TRAM1: variants seen among roughly 807,000 people sequenced by gnomAD.
The protein encoded by TRAM1 is translocation associated membrane protein 1.
A neutral mutation model predicts 48.7 loss-of-function variants in TRAM1; 17 were observed. The ratio of observed to expected loss-of-function variants is 0.35; its 90% CI spans 0.24 to 0.52. TRAM1 has a LOEUF of 0.52. TRAM1 is among the 20% of genes least tolerant of loss of function. The probability of loss-of-function intolerance (pLI) is 0.94; values close to 1 mark genes in which losing one functional copy is unlikely to be tolerated. For synonymous variants in TRAM1, 182 were observed against 154.0 expected (o/e 1.18, Z -1.34); for missense variants, 351 against 441.5 (o/e 0.79, Z 1.84).
In TRAM1 at chr8:70,574,205, T is replaced by A; in HGVS notation, c.*727A>T. 2.4e-6 allele frequency: 1 copy of A among 408,708 alleles called. No homozygotes were observed. The allele number at this position is 408,708 out of a possible 1,614,324, so 25.3% of individuals were successfully genotyped here. On this transcript the variant is annotated 3_prime_UTR_variant, in exon 11 of 11. Transcript: ENST00000262213. ...GCTATATGTCAGATTTTCCTGTTCA[T>A]AGTAAATATTTTCTGATTTCCAGTT...
intron 6 of TRAM1, 140 bp downstream of exon 6, chr8:70,594,366 G>A (rs1246711954): frequency 5.4e-6 from 2 of 369,832 alleles, no homozygotes; most frequent in Admixed American, 5.0e-5. Context: ...AAAGAGGGTT[G>A]GTGGGAGAAT....
chr8:70,578,931 C>G (rs959681489), intron 10 of TRAM1, among the ~76,000 whole-genome samples: 1 of 152,122 alleles, frequency 6.6e-6, no homozygotes, highest in African/African-American at 2.4e-5. Flanking sequence ...TTTCAGTTAC[C>G]CACAGTCAAC....
chr8:70,597,939 A>G lies in TRAM1; in HGVS notation c.382T>C (p.Phe128Leu). ...CCCCAAACACAGGCAAAAAGGTAGA[A>G]CGCACTAAGCTGACCAGATTCATTA... is the stretch of plus-strand genomic sequence containing the variant. ...KFNESGQLSA[F>L]YLFACVWGTF... is the part of the protein sequence containing the mutation. Residue 128 changes from phenylalanine (F) to leucine (L), a missense_variant, in exon 4 of 11, where the codon TTC becomes CTC. Phe to Leu is a conservative substitution (Grantham distance 22). Coordinates refer to ENST00000262213, the MANE Select transcript of TRAM1 (RefSeq NM_014294.6). The G allele has an allele frequency of 6.2e-7, 1 of 1,602,662 alleles. No individual in the cohort carries two copies. The highest frequency in any genetic ancestry group is 8.5e-7 in the Non-Finnish European group (1 of 1,173,186).
At chr8:70,583,864 T>A in intron 8 of TRAM1, 71 bp from the exon 9 acceptor site, 7 of 1,488,106 alleles carry the variant, frequency 4.7e-6, no homozygotes, top group Non-Finnish European at 5.4e-6. Context: ...ATTAGATTCC[T>A]AAGTTGGGCG....
At chr8:70,601,990 A>G (rs1266856088) in intron 1 of TRAM1, among the ~76,000 whole-genome samples, 1 of 152,246 alleles carries the variant, frequency 6.6e-6, no homozygotes, top group Admixed American at 6.5e-5. Context: ...AAGTAGGACA[A>G]CATCAGACCC....
At chr8:70,580,984 T>C (rs2132025638) in intron 10 of TRAM1, among the ~76,000 whole-genome samples, 1 of 152,328 alleles carries the variant, frequency 6.6e-6, no homozygotes, top group South Asian at 2.1e-4. Context: ...AAGATCTAAA[T>C]AAACAGACAT....
intron 10 of TRAM1, among the ~76,000 whole-genome samples, chr8:70,577,220 G>A (rs1293693992): frequency 6.6e-6 from 1 of 152,098 alleles, no homozygotes; most frequent in Non-Finnish European, 1.5e-5. Context: ...GGGTCTGTAG[G>A]CACCCCTTGG....
At chr8:70,579,213 A>G (rs939286901) in intron 10 of TRAM1, among the ~76,000 whole-genome samples, 8 of 152,212 alleles carry the variant, frequency 5.3e-5, no homozygotes, top group Non-Finnish European at 1.0e-4. Flanking sequence ...CACCCAGGCT[A>G]TATGGTATAG....
At chr8:70,578,719 A>G (rs995011953) in intron 10 of TRAM1, among the ~76,000 whole-genome samples, 3 of 152,254 alleles carry the variant, frequency 2.0e-5, no homozygotes, top group Non-Finnish European at 4.4e-5. Context: ...TATTACACAA[A>G]GGACAAATCT....
intron 1 of TRAM1, among the ~76,000 whole-genome samples, chr8:70,604,203 T>C (rs192348030): frequency 1.3e-5 from 2 of 150,734 alleles, no homozygotes; most frequent in African/African-American, 4.9e-5. Context: ...CTGTAATGAA[T>C]TACCTAATTC....
At chr8:70,589,809 C>A (rs1817310976) in intron 6 of TRAM1, among the ~76,000 whole-genome samples, 2 of 152,132 alleles carry the variant, frequency 1.3e-5, no homozygotes, top group Admixed American at 6.5e-5. Context: ...GTGGCCACTG[C>A]ACTCCAGCAT....
intron 6 of TRAM1, chr8:70,587,752 T>G (rs1817258268): frequency 6.6e-6 from 1 of 152,304 alleles, no homozygotes; most frequent in African/African-American, 2.4e-5. Context: ...TTACAACAAG[T>G]TTAACATTTT....
intron 10 of TRAM1, among the ~76,000 whole-genome samples, chr8:70,576,968 A>G (rs535342999): frequency 2.0e-4 from 31 of 152,320 alleles, no homozygotes; most frequent in African/African-American, 7.5e-4. Context: ...GGATTAGAGC[A>G]GCACTGATAT....
chr8:70,584,185 A>C (rs1817150946), intron 8 of TRAM1, among the ~76,000 whole-genome samples: 1 of 152,210 alleles, frequency 6.6e-6, no homozygotes, highest in Non-Finnish European at 1.5e-5. Flanking sequence ...TTTCTAAAAC[A>C]ATCCAGGAAA....
chr8:70,591,990 G>A (rs1408294696), intron 6 of TRAM1, among the ~76,000 whole-genome samples: 1 of 152,112 alleles, frequency 6.6e-6, no homozygotes, highest in Non-Finnish European at 1.5e-5. Context: ...AAAGTGTAAT[G>A]AAACTTTCAT....
chr8:70,582,557 T>C (rs1817103834), intron 10 of TRAM1, among the ~76,000 whole-genome samples: 2 of 149,726 alleles, frequency 1.3e-5, no homozygotes, highest in Non-Finnish European at 3.0e-5. Flanking sequence ...GGATGTAAAT[T>C]ATCAGGTATT....
chr8:70,603,303 T>TATACACAC (rs1041808375), intron 1 of TRAM1, among the ~76,000 whole-genome samples: 3,481 of 150,046 alleles, frequency 0.023, 64 homozygotes, highest in Non-Finnish European at 0.034. Context: ...ATATGTTTTA[T>TATACACAC]ACACACACAC....
chr8:70,579,465 C>A (rs1817028552), intron 10 of TRAM1, among the ~76,000 whole-genome samples: 1 of 152,106 alleles, frequency 6.6e-6, no homozygotes, highest in Non-Finnish European at 1.5e-5. Context: ...TGAAACTACC[C>A]CTGGTTTCAG....
intron 8 of TRAM1, among the ~76,000 whole-genome samples, chr8:70,584,091 T>C (rs1817147515): frequency 6.6e-6 from 1 of 152,198 alleles, no homozygotes; most frequent in South Asian, 2.1e-4. Flanking sequence ...TTTCTTATTC[T>C]GCAAAAAAGA....
Sources: allele counts gnomAD v4.1 joint callset (sites outside exome capture counted in the v4.1 genomes callset), GRCh38; gene constraint gnomAD v4.1.1; transcripts MANE v1.5; gene names NCBI Gene and HGNC (gene_info 2026-07-23, HGNC 2026-07-21).